The following CHD6 variants were observed in gnomAD, a reference collection of about 807,000 sequenced individuals.
CHD6 encodes the protein ATP-dependent chromatin remodeler CHD6.
In CHD6, 50 loss-of-function variants were observed where a neutral mutation model predicts 276.9. The observed-to-expected ratio is 0.18, with a 90% CI of 0.14 to 0.23. The LOEUF (loss-of-function observed/expected upper bound fraction) is 0.23. CHD6 is among the 10% of genes least tolerant of loss of function. The probability of loss-of-function intolerance (pLI) is 1.00; values close to 1 mark genes in which losing one functional copy is unlikely to be tolerated. For missense variants in CHD6, 2,564 were observed against 3,365.8 expected (o/e 0.76, Z 5.89); for synonymous variants, 1,173 against 1,229.3 (o/e 0.95, Z 0.96).
chr20:41,523,986 C>A (rs550307468), intron 3 of CHD6, among the ~76,000 whole-genome samples: 4 of 152,090 alleles, frequency 2.6e-5, no homozygotes, highest in Admixed American at 2.0e-4. Flanking sequence ...GGAAAGAATG[C>A]GTTACTACTA....
intron 27 of CHD6, among the ~76,000 whole-genome samples, chr20:41,434,405 C>T (rs2047640231): frequency 6.6e-6 from 1 of 152,192 alleles, no homozygotes; most frequent in Non-Finnish European, 1.5e-5. Context: ...GAATCTCGCT[C>T]TGCTGCCCAG....
intron 4 of CHD6, 91 bp downstream of exon 4, chr20:41,514,714 G>T: frequency 1.4e-6 from 2 of 1,434,340 alleles, no homozygotes; most frequent in Non-Finnish European, 1.9e-6. Context: ...GAGTGTGCTA[G>T]AGAAAGGCAT....
intron 18 of CHD6, 41 bp downstream of exon 18, chr20:41,457,223 C>T: frequency 1.3e-6 from 2 of 1,590,724 alleles, no homozygotes. Context: ...GCTGTGCGAC[C>T]AATGTTCCTT....
chr20:41,457,523 A>C, intron 17 of CHD6, 95 bp from the exon 18 acceptor site: 2 of 1,387,542 alleles, frequency 1.4e-6, no homozygotes, highest in South Asian at 2.8e-5. Flanking sequence ...ATGTGGTGTG[A>C]GTGGCCAACT....
chr20:41,449,858 T>C (rs6072375), intron 23 of CHD6, among the ~76,000 whole-genome samples: 58,475 of 151,980 alleles, frequency 0.38, 14,034 homozygotes, highest in African/African-American at 0.66. Flanking sequence ...TTACATCCCA[T>C]CCCCAGTGGA....
At chr20:41,472,132 G>C (rs964334788) in intron 17 of CHD6, among the ~76,000 whole-genome samples, 1 of 152,024 alleles carries the variant, frequency 6.6e-6, no homozygotes, top group Non-Finnish European at 1.5e-5. Context: ...TACGCAGGAG[G>C]CTGAGGCAAG....
At position 41,402,913 on chromosome 20, in the gene CHD6, T is replaced by A. The variant is rs2046572036; in HGVS notation, c.*1680A>T. 1 of 206,154 alleles carries A rather than the reference T, an allele frequency of 4.9e-6. No individual in the cohort carries two copies. The highest frequency in any genetic ancestry group is 1.9e-4 in the South Asian group (1 of 5,288). 12.8% of individuals were successfully genotyped at this position (206,154 alleles called of 1,614,324 possible). A position where few individuals can be genotyped will look rare whatever the true frequency, so the allele number is the denominator to read the frequency against. On this transcript the variant is annotated 3_prime_UTR_variant, in exon 37 of 37. Transcript: ENST00000373233. Reference sequence around the variant, plus strand: ...TTGTTCAATTACTGGATTCTTCTTCTATGATCAGTTATAGAATTTCTGGTT... The same window carrying A: ...TTGTTCAATTACTGGATTCTTCTTCAATGATCAGTTATAGAATTTCTGGTT...
intron 5 of CHD6, among the ~76,000 whole-genome samples, chr20:41,500,036 C>A (rs1347787162): frequency 6.6e-6 from 1 of 152,110 alleles, no homozygotes; most frequent in East Asian, 1.9e-4. Context: ...CCTCCAATCT[C>A]CATGAAATCT....
rs1012315624 is a variant in CHD6 at position 41,454,562 on chromosome 20, G to A, written c.3120+64C>T. On this transcript the variant is annotated intron_variant, in intron 20 of 36. Coordinates refer to ENST00000373233, the MANE Select transcript of CHD6 (RefSeq NM_032221.5). ...AGTAAATAATGACTTGAGCTGTGTA[G>A]GAATTTATTGTCATGTATGACATAA... The A allele has an allele frequency of 5.5e-6, 7 of 1,263,568 alleles. No homozygotes were observed. In the African/African-American group the frequency reaches 1.0e-4, roughly 19 times the overall value. The allele number at this position is 1,263,568 out of a possible 1,614,324, so 78.3% of individuals were successfully genotyped here. A position where few individuals can be genotyped will look rare whatever the true frequency, so the allele number is the denominator to read the frequency against.
chr20:41,608,083 C>T (rs1236241020), intron 1 of CHD6, among the ~76,000 whole-genome samples: 1 of 152,134 alleles, frequency 6.6e-6, no homozygotes, highest in Non-Finnish European at 1.5e-5. Context: ...TGATTGACAG[C>T]TATTATTATC....
chr20:41,528,999 A>T (rs2044613569), intron 3 of CHD6, among the ~76,000 whole-genome samples: 1 of 152,204 alleles, frequency 6.6e-6, no homozygotes, highest in Admixed American at 6.5e-5. Context: ...CTGACACTGA[A>T]ATCTCCCCAC....
At chr20:41,581,705 C>G (rs925891158) in intron 1 of CHD6, among the ~76,000 whole-genome samples, 1 of 151,830 alleles carries the variant, frequency 6.6e-6, no homozygotes, top group South Asian at 2.1e-4. Context: ...ATTATCACCA[C>G]TTGAAGTTTT....
chr20:41,588,446 CA>C (rs918530345), intron 1 of CHD6, among the ~76,000 whole-genome samples: 1 of 152,128 alleles, frequency 6.6e-6, no homozygotes, highest in Admixed American at 6.5e-5. Context: ...ATAAGCCCAT[CA>C]GCCCAAGCAT....
chr20:41,505,449 C>T (rs1158972553), intron 5 of CHD6, among the ~76,000 whole-genome samples: 4 of 152,142 alleles, frequency 2.6e-5, no homozygotes, highest in Admixed American at 2.0e-4. Flanking sequence ...CTATCCAGAA[C>T]AGTCTCTTTT....
At chr20:41,423,462 C>A in intron 30 of CHD6, 30 bp downstream of exon 30, 1 of 1,590,734 alleles carries the variant, frequency 6.3e-7, no homozygotes, top group South Asian at 1.1e-5. Flanking sequence ...TTCCTTGTAT[C>A]ATCTGACAAT....
At chr20:41,494,640 T>G (rs1050155715) in intron 8 of CHD6, among the ~76,000 whole-genome samples, 2 of 152,186 alleles carry the variant, frequency 1.3e-5, no homozygotes, top group Non-Finnish European at 2.9e-5. Flanking sequence ...GGAGCTATGT[T>G]AACTGGACCG....
intron 23 of CHD6, among the ~76,000 whole-genome samples, chr20:41,448,518 A>G (rs906675272): frequency 6.6e-6 from 1 of 152,242 alleles, no homozygotes; most frequent in South Asian, 2.1e-4. Flanking sequence ...GCAATTAAGC[A>G]AGTATTTGCT....
In CHD6 at chr20:41,404,940, T is replaced by C; in HGVS notation, c.7801A>G (p.Ile2601Val). 2.5e-6 allele frequency: 4 copies of C among 1,614,204 alleles called. No individual in the cohort carries two copies. Among genetic ancestry groups the C allele is most frequent in the African/African-American group, 1.3e-5 (1 of 75,062 alleles). Residue 2601 changes from isoleucine (I) to valine (V), a missense_variant, in exon 37 of 37, where the codon ATA becomes GTA. Ile to Val is a conservative substitution (Grantham distance 29). Transcript: ENST00000373233. ...GPFSDQSEPAITTSSPVAFNP... is the reference protein window; with the variant it reads ...GPFSDQSEPAVTTSSPVAFNP... ...AAAGCCACAGGACTACTAGTAGTTA[T>C]TGCAGGTTCAGACTGATCAGAAAAT... is the stretch of plus-strand genomic sequence containing the variant.
Position 41,452,226 on chromosome 20 carries a change from G to A in CHD6, c.3324-201C>T, listed in dbSNP as rs2048260414. 6.6e-6 allele frequency among the ~76,000 whole-genome samples: 1 copy of A among 152,216 alleles called. No homozygotes were observed. Among genetic ancestry groups the A allele is most frequent in the Non-Finnish European group, 1.5e-5 (1 of 68,042 alleles). ...CGAATATCACTAAAGTGACCTGGAC[G>A]TTGGACACTGAGAGCTTCATATGGC... is the stretch of plus-strand genomic sequence containing the variant. On this transcript the variant is annotated intron_variant, in intron 21 of 36. Coordinates refer to ENST00000373233, the MANE Select transcript of CHD6 (RefSeq NM_032221.5). The surrounding 1 kb of genome is among the most constrained non-coding windows in gnomAD (Gnocchi z 4.2).
Sources: gnomAD v4.1 joint callset for allele counts (sites outside exome capture counted in the v4.1 genomes callset) on GRCh38, gnomAD v4.1.1 for gene constraint, Gnocchi (gnomAD v3.1) non-coding constraint, MANE v1.5 for transcripts, NCBI Gene and HGNC (gene_info 2026-07-23, HGNC 2026-07-21) for gene names.